The following SV2C variants were observed in gnomAD, a reference collection of about 807,000 sequenced individuals.
SV2C encodes the protein synaptic vesicle glycoprotein 2C, also known as solute carrier family 22 member B3.
SV2C carries 49 observed loss-of-function variants against 79.7 expected under a neutral mutation model. The observed-to-expected ratio is 0.61, with a 90% CI of 0.49 to 0.78. The LOEUF (loss-of-function observed/expected upper bound fraction) is 0.78, where lower values mean the gene tolerates loss of function less well. Ranked by LOEUF, SV2C falls within the 30% of genes least tolerant of loss-of-function variation. The pLI is 0.00. For missense variants in SV2C, 833 were observed against 912.9 expected, an observed-to-expected ratio of 0.91 and a Z score of 1.13; for synonymous variants, 334 against 333.2, an observed-to-expected ratio of 1.00 and a Z score of -0.03.
At chr5:76,261,990 T>C (rs1746485643) in intron 4 of SV2C, among the ~76,000 whole-genome samples, 1 of 152,208 alleles carries the variant, frequency 6.6e-6, no homozygotes, top group South Asian at 2.1e-4. Context: ...CTCTTTTTTT[T>C]ATTGTTTGGA....
chr5:75,953,113 C>T, the SV2C span, among the ~76,000 whole-genome samples: 2 of 151,950 alleles, frequency 1.3e-5, no homozygotes, highest in Admixed American at 6.6e-5. Flanking sequence ...CTACTCATGG[C>T]AGAAGGTGAA....
chr5:75,930,342 T>A, the SV2C span, among the ~76,000 whole-genome samples: 4 of 152,202 alleles, frequency 2.6e-5, no homozygotes, highest in African/African-American at 9.6e-5. Context: ...AAGTTACCAA[T>A]TGTAAATTTT....
At chr5:76,103,246 G>GGA (rs139749338) in intron 1 of SV2C, among the ~76,000 whole-genome samples, 133 of 151,884 alleles carry the variant, frequency 8.8e-4, no homozygotes, top group African/African-American at 3.0e-3. Context: ...TGCAAAGCAG[G>GGA]GAGAGAGAGA....
At chr5:75,994,708 G>C in the SV2C span, among the ~76,000 whole-genome samples, 41 of 152,152 alleles carry the variant, frequency 2.7e-4, no homozygotes, top group Non-Finnish European at 2.8e-4. Context: ...GGATTCTCCA[G>C]AGAAACAGAA....
the SV2C span, among the ~76,000 whole-genome samples, chr5:75,971,458 A>T: frequency 1.3e-5 from 2 of 152,132 alleles, no homozygotes; most frequent in African/African-American, 4.8e-5. Flanking sequence ...CCTTAAGCTG[A>T]TAAGCAACTT....
chr5:76,271,563 T>G (rs1158926348), intron 4 of SV2C, among the ~76,000 whole-genome samples: 1 of 151,650 alleles, frequency 6.6e-6, no homozygotes, highest in Non-Finnish European at 1.5e-5. Context: ...GACTATATAC[T>G]GTGCTATAAA....
At chr5:76,120,810 T>C (rs1748464598) in intron 1 of SV2C, among the ~76,000 whole-genome samples, 1 of 150,650 alleles carries the variant, frequency 6.6e-6, no homozygotes, top group Admixed American at 6.6e-5. Flanking sequence ...CTATTGTGAA[T>C]AGTGCCACAA....
At chr5:76,352,064 T>G (rs1179764097) in intron 12 of SV2C, among the ~76,000 whole-genome samples, 1 of 152,004 alleles carries the variant, frequency 6.6e-6, no homozygotes, top group African/African-American at 2.4e-5. Flanking sequence ...AATACAAAAA[T>G]TAGCTGGGCA....
At chr5:76,125,069 C>T (rs1748656634) in intron 1 of SV2C, among the ~76,000 whole-genome samples, 2 of 152,060 alleles carry the variant, frequency 1.3e-5, no homozygotes, top group Non-Finnish European at 2.9e-5. Flanking sequence ...GAGGTCTTTA[C>T]CCTGGTTTAT....
chr5:76,025,795 G>C, the SV2C span, among the ~76,000 whole-genome samples: 1 of 152,148 alleles, frequency 6.6e-6, no homozygotes, highest in Non-Finnish European at 1.5e-5. Flanking sequence ...TTAGGTTTCT[G>C]TATGGCTTTG....
At chr5:76,283,331 ACAAAAG>A (rs1373968653) in intron 4 of SV2C, among the ~76,000 whole-genome samples, 1 of 152,084 alleles carries the variant, frequency 6.6e-6, no homozygotes, top group Non-Finnish European at 1.5e-5. Context: ...AAAAACCAAA[ACAAAAG>A]CAAAAGAACA....
the SV2C span, among the ~76,000 whole-genome samples, chr5:75,900,116 G>T: frequency 6.6e-6 from 1 of 152,084 alleles, no homozygotes; most frequent in African/African-American, 2.4e-5. Context: ...TATGATGTTA[G>T]CCAGTTATTT....
chr5:76,338,981 G>A (rs1749385060), intron 12 of SV2C, among the ~76,000 whole-genome samples: 1 of 144,034 alleles, frequency 6.9e-6, no homozygotes, highest in African/African-American at 3.0e-5. Context: ...AGTACCCTCA[G>A]GCTTGGGCAT....
intron 4 of SV2C, among the ~76,000 whole-genome samples, chr5:76,256,423 G>A (rs888303098): frequency 1.6e-4 from 25 of 152,154 alleles, no homozygotes; most frequent in African/African-American, 4.6e-4. Context: ...TTTTAATAGC[G>A]CAGCGTCTGT....
chr5:76,051,883 TGAAAAA>T, the SV2C span, among the ~76,000 whole-genome samples: 1 of 152,176 alleles, frequency 6.6e-6, no homozygotes, highest in Non-Finnish European at 1.5e-5. Flanking sequence ...GGGTAATAAT[TGAAAAA>T]GTAAACTTGT....
chr5:76,230,003 ATGT>A (rs1333693764), intron 4 of SV2C, among the ~76,000 whole-genome samples: 1 of 152,222 alleles, frequency 6.6e-6, no homozygotes, highest in Non-Finnish European at 1.5e-5. Context: ...TGTTCACAAC[ATGT>A]TGTTTGTGAA....
the SV2C span, among the ~76,000 whole-genome samples, chr5:76,053,596 G>T: frequency 6.6e-5 from 10 of 152,134 alleles, no homozygotes; most frequent in Admixed American, 2.6e-4. Context: ...AGAAAAAAAA[G>T]ATTCTATCAG....
intron 12 of SV2C, among the ~76,000 whole-genome samples, chr5:76,346,217 A>T (rs2055440): frequency 6.6e-5 from 10 of 152,068 alleles, no homozygotes; most frequent in Admixed American, 1.3e-4. Context: ...TTAAGTGCGC[A>T]CATAATGGTA....
chr5:76,292,018 C>T (rs752174350), intron 8 of SV2C, among the ~76,000 whole-genome samples, 162 bp downstream of exon 8: 4 of 151,982 alleles, frequency 2.6e-5, no homozygotes, highest in Non-Finnish European at 5.9e-5. Context: ...TTTTATAAAC[C>T]AGTTATTTTA....
Sources: gnomAD v4.1 joint callset for allele counts (sites outside exome capture counted in the v4.1 genomes callset) on GRCh38, gnomAD v4.1.1 for gene constraint, MANE v1.5 for transcripts, NCBI Gene and HGNC (gene_info 2026-07-23, HGNC 2026-07-21) for gene names.